The following RBFOX3 variants were observed in gnomAD, a reference collection of about 807,000 sequenced individuals.
RBFOX3 encodes RNA binding protein fox-1 homolog 3.
In RBFOX3, 17 loss-of-function variants were observed where a neutral mutation model predicts 48.7. The ratio of observed to expected loss-of-function variants is 0.35; its 90% CI spans 0.24 to 0.52. RBFOX3 has a LOEUF of 0.52. RBFOX3 is among the 20% of genes least tolerant of loss of function. The pLI, the probability that RBFOX3 is intolerant of heterozygous loss-of-function variation, is 0.94. For missense variants in RBFOX3, 382 were observed against 497.5 expected, an observed-to-expected ratio of 0.77 and a Z score of 2.21; for synonymous variants, 212 against 209.5, an observed-to-expected ratio of 1.01 and a Z score of -0.10.
Position 79,220,554 on chromosome 17 carries a change from A to T in RBFOX3, c.-34+15212T>A. On this transcript the variant is annotated intron_variant, in intron 4 of 14. Transcript: ENST00000693108. This position sits in a 1 kb window ranked among gnomAD's most constrained non-coding sequence, Gnocchi z 5.9. ...GGATCTCTGTTCAGAGTTGAACTAC[A>T]GCGTCCTGATTCCAGCGCTCATCAA... 6.6e-6 allele frequency among the ~76,000 whole-genome samples: 1 copy of T among 151,976 alleles called. No homozygotes were observed. Among genetic ancestry groups the T allele is most frequent in the East Asian group, 1.9e-4 (1 of 5,164 alleles).
At chr17:79,355,602 A>G (rs11654900) in intron 2 of RBFOX3, among the ~76,000 whole-genome samples, 20,062 of 151,826 alleles carry the variant, frequency 0.13, 1,894 homozygotes, top group Non-Finnish European at 0.2. Context: ...TTTTTCCGAA[A>G]CGGAGTCTTG....
intron 2 of RBFOX3, among the ~76,000 whole-genome samples, chr17:79,412,766 G>A (rs553783797): frequency 6.6e-6 from 1 of 151,892 alleles, no homozygotes; most frequent in East Asian, 1.9e-4. Context: ...CACGTGTTGT[G>A]ATGTCTGTGT....
chr17:79,373,271 C>G (rs1193611754), intron 2 of RBFOX3, among the ~76,000 whole-genome samples: 1 of 152,186 alleles, frequency 6.6e-6, no homozygotes, highest in East Asian at 1.9e-4. Flanking sequence ...ATACTCAACT[C>G]CAGCTCCTTA....
At chr17:79,588,401 G>A (rs1243666583) in intron 1 of RBFOX3, among the ~76,000 whole-genome samples, 3 of 152,154 alleles carry the variant, frequency 2.0e-5, no homozygotes, top group Non-Finnish European at 4.4e-5. Context: ...CCTGAGGGCA[G>A]GCTTGGCATC....
chr17:79,657,224 G>A, the RBFOX3 span, among the ~76,000 whole-genome samples: 3 of 152,178 alleles, frequency 2.0e-5, no homozygotes, highest in Non-Finnish European at 2.9e-5. Flanking sequence ...CTTCTCCTCT[G>A]AGCTGATCCT....
chr17:79,632,282 C>T, the RBFOX3 span, among the ~76,000 whole-genome samples: 5 of 152,024 alleles, frequency 3.3e-5, no homozygotes, highest in African/African-American at 4.8e-5. Flanking sequence ...TAGGAGGATC[C>T]GTATACAGAT....
chr17:79,149,314 C>T (rs1304229114), intron 4 of RBFOX3, among the ~76,000 whole-genome samples: 3 of 152,094 alleles, frequency 2.0e-5, no homozygotes, highest in South Asian at 4.1e-4. Flanking sequence ...GGTGCAGCCA[C>T]GGGGAGCCCA....
chr17:79,637,205 A>T, the RBFOX3 span, among the ~76,000 whole-genome samples: 1 of 152,232 alleles, frequency 6.6e-6, no homozygotes, highest in Non-Finnish European at 1.5e-5. Flanking sequence ...TAACAGTAGT[A>T]GGGGACTTTA....
At chr17:79,489,786 G>A (rs1598912856) in intron 1 of RBFOX3, among the ~76,000 whole-genome samples, 1 of 152,034 alleles carries the variant, frequency 6.6e-6, no homozygotes, top group Non-Finnish European at 1.5e-5. Flanking sequence ...TTCTACTTCT[G>A]CCATCTTTTC....
chr17:79,582,184 G>A (rs1414684674), intron 1 of RBFOX3, among the ~76,000 whole-genome samples: 1 of 151,568 alleles, frequency 6.6e-6, no homozygotes, highest in East Asian at 1.9e-4. Flanking sequence ...GTGTATGCAA[G>A]CACGTGCCTG....
intron 1 of RBFOX3, among the ~76,000 whole-genome samples, chr17:79,579,226 C>T (rs1172157686): frequency 6.6e-6 from 1 of 152,186 alleles, no homozygotes; most frequent in East Asian, 1.9e-4. Context: ...CTGTCCCCTG[C>T]CCGAGGCAGC....
chr17:79,197,867 GAGCC>G (rs993878165), intron 4 of RBFOX3, among the ~76,000 whole-genome samples: 9 of 152,066 alleles, frequency 5.9e-5, no homozygotes, highest in African/African-American at 2.2e-4. Context: ...GGCAAGCAGG[GAGCC>G]GGAAACCCAA....
intron 5 of RBFOX3, among the ~76,000 whole-genome samples, chr17:79,112,906 G>GCGGGGT (rs1555693102): frequency 2.7e-5 from 3 of 110,938 alleles, no homozygotes; most frequent in Non-Finnish European, 5.7e-5. Context: ...CAGGCTCTCG[G>GCGGGGT]GGGGGGGGTG....
chr17:79,401,561 G>A lies in RBFOX3; in HGVS notation c.-175+80893C>T, dbSNP rs74000035. ...CCTTCAGTGCAGAGGGAGAGGGGAG[G>A]GAATGGGAGAGGGGAACCTATTTCT... On this transcript the variant is annotated intron_variant, in intron 2 of 14. Coordinates refer to ENST00000693108, the MANE Select transcript of RBFOX3 (RefSeq NM_001350451.2). 2.6e-3 allele frequency among the ~76,000 whole-genome samples: 395 copies of A among 152,278 alleles called. 4 individuals are homozygous for A. Among genetic ancestry groups the A allele is most frequent in the African/African-American group, 9.2e-3 (382 of 41,558 alleles).
At chr17:79,240,228 A>G (rs895016396) in intron 3 of RBFOX3, among the ~76,000 whole-genome samples, 4 of 152,206 alleles carry the variant, frequency 2.6e-5, no homozygotes, top group African/African-American at 9.6e-5. Context: ...GGCCCTTGAA[A>G]TGAAAAGCAC....
intron 2 of RBFOX3, among the ~76,000 whole-genome samples, chr17:79,376,660 G>A (rs1023632048): frequency 3.9e-5 from 6 of 152,226 alleles, no homozygotes; most frequent in African/African-American, 9.7e-5. Flanking sequence ...CTGTCTTGCA[G>A]CCAGGGCCGC....
chr17:79,337,457 G>A (rs2081371410), intron 2 of RBFOX3, among the ~76,000 whole-genome samples: 1 of 152,098 alleles, frequency 6.6e-6, no homozygotes, highest in Admixed American at 6.5e-5. Flanking sequence ...TGTACAAGAA[G>A]AGCCCATTCA....
chr17:79,346,270 A>G (rs1237794555), intron 2 of RBFOX3, among the ~76,000 whole-genome samples: 1 of 152,102 alleles, frequency 6.6e-6, no homozygotes, highest in Non-Finnish European at 1.5e-5. Context: ...ACCTATGTCC[A>G]TTTTCAAAAT....
At chr17:79,317,678 G>A (rs4790007) in intron 2 of RBFOX3, among the ~76,000 whole-genome samples, 61,919 of 152,030 alleles carry the variant, frequency 0.41, 14,685 homozygotes, top group East Asian at 0.59. Context: ...CCTAAACTCT[G>A]GCTTCCACTA....
Sources: allele counts gnomAD v4.1 joint callset (sites outside exome capture counted in the v4.1 genomes callset), GRCh38; gene constraint gnomAD v4.1.1; non-coding constraint Gnocchi (gnomAD v3.1); transcripts MANE v1.5; gene names NCBI Gene and HGNC (gene_info 2026-07-23, HGNC 2026-07-21).